Variants in LARS2 observed in about 807,000 individuals in gnomAD.
The protein encoded by LARS2 is leucyl-tRNA synthetase 2, mitochondrial.
In LARS2, 81 loss-of-function variants were observed where a neutral mutation model predicts 116.6. The observed-to-expected ratio is 0.69, with a 90% CI of 0.58 to 0.84. LARS2 has a LOEUF of 0.84. Ranked by LOEUF, LARS2 falls within the 40% of genes least tolerant of loss-of-function variation. The pLI, the probability that LARS2 is intolerant of heterozygous loss-of-function variation, is 0.00. For missense variants in LARS2, 968 were observed against 1,114.5 expected, an observed-to-expected ratio of 0.87 and a Z score of 1.87; for synonymous variants, 396 against 407.2, an observed-to-expected ratio of 0.97 and a Z score of 0.33.
At chr3:45,399,323 C>G (rs1423862174) in intron 3 of LARS2, among the ~76,000 whole-genome samples, 1 of 152,170 alleles carries the variant, frequency 6.6e-6, no homozygotes, top group Non-Finnish European at 1.5e-5. Flanking sequence ...TAGGAAGAGA[C>G]TCCATTTTTA....
At chr3:45,396,333 C>T (rs1455051853) in intron 3 of LARS2, among the ~76,000 whole-genome samples, 1 of 152,186 alleles carries the variant, frequency 6.6e-6, no homozygotes, top group African/African-American at 2.4e-5. Context: ...CTGTGTGATC[C>T]AGGCCACATC....
At chr3:45,522,473 G>A (rs1382552420) in intron 19 of LARS2, among the ~76,000 whole-genome samples, 2 of 152,256 alleles carry the variant, frequency 1.3e-5, no homozygotes, top group Non-Finnish European at 2.9e-5. Flanking sequence ...GCTCACGCCT[G>A]TAATCCCAGC....
chr3:45,415,739 T>C lies in LARS2; in HGVS notation c.364-1743T>C, dbSNP rs374947689. Among the ~76,000 whole-genome samples the C allele has an allele frequency of 3.2e-3, 479 of 151,210 alleles. 6 individuals are homozygous for C. In the South Asian group the frequency reaches 0.036, roughly 12 times the overall value. On this transcript the variant is annotated intron_variant, in intron 4 of 21. Coordinates refer to ENST00000645846, the MANE Select transcript of LARS2 (RefSeq NM_015340.4). ...GGTATGTGCCTGTAATCCCAGCTAC[T>C]GGGGAGGCTCAGGCAGGAGGATCAC...
chr3:45,394,717 A>G, intron 3 of LARS2, 30 bp downstream of exon 3: 3 of 1,514,662 alleles, frequency 2.0e-6, no homozygotes, highest in South Asian at 1.1e-5. Flanking sequence ...CTAAGAGGGT[A>G]GAGAAGAGGG....
At chr3:45,493,885 A>G (rs1699966470) in intron 13 of LARS2, among the ~76,000 whole-genome samples, 1 of 152,286 alleles carries the variant, frequency 6.6e-6, no homozygotes, top group South Asian at 2.1e-4. Context: ...TATTCCTTTT[A>G]TAAATTGAGC....
At chr3:45,473,691 GTT>G (rs763467707) in intron 8 of LARS2, among the ~76,000 whole-genome samples, 15 of 127,266 alleles carry the variant, frequency 1.2e-4, no homozygotes, top group East Asian at 9.0e-4. Flanking sequence ...GCCTGTTGTT[GTT>G]TTTTTTTTTT....
intron 18 of LARS2, 75 bp downstream of exon 18, chr3:45,518,147 C>A: frequency 3.5e-6 from 4 of 1,152,828 alleles, no homozygotes; most frequent in Non-Finnish European, 3.7e-6. Context: ...GTGGTCTTTG[C>A]TGCCCTCCCT....
chr3:45,515,457 C>G (rs1174744979), intron 16 of LARS2, among the ~76,000 whole-genome samples: 1 of 152,204 alleles, frequency 6.6e-6, no homozygotes, highest in Non-Finnish European at 1.5e-5. Flanking sequence ...CTAGTCCTCT[C>G]CAGTAGGGCT....
intron 3 of LARS2, among the ~76,000 whole-genome samples, chr3:45,396,155 G>A (rs928742578): frequency 2.6e-5 from 4 of 152,164 alleles, no homozygotes; most frequent in African/African-American, 9.7e-5. Context: ...AATATCAAAT[G>A]GATCAAAATA....
intron 8 of LARS2, among the ~76,000 whole-genome samples, chr3:45,459,695 C>T (rs1345757243): frequency 6.6e-6 from 1 of 152,180 alleles, no homozygotes; most frequent in East Asian, 1.9e-4. Context: ...TACCAAGTTT[C>T]AAGGTGCTGG....
At chr3:45,404,744 C>T (rs547764208) in intron 4 of LARS2, among the ~76,000 whole-genome samples, 11 of 152,102 alleles carry the variant, frequency 7.2e-5, no homozygotes, top group Admixed American at 7.2e-4. Flanking sequence ...TACAAGTACA[C>T]GCCACCACAC....
At chr3:45,435,177 T>C (rs1011554084) in intron 6 of LARS2, among the ~76,000 whole-genome samples, 4 of 152,090 alleles carry the variant, frequency 2.6e-5, no homozygotes, top group Non-Finnish European at 5.9e-5. Flanking sequence ...AATTCCTGCC[T>C]CTCCATTCGA....
At chr3:45,522,805 A>AT (rs1232587396) in intron 19 of LARS2, among the ~76,000 whole-genome samples, 10 of 152,110 alleles carry the variant, frequency 6.6e-5, no homozygotes, top group Non-Finnish European at 1.5e-4. Context: ...TAATCCTAGC[A>AT]TTTTGGGAGG....
At chr3:45,423,850 C>A (rs1199251999) in intron 6 of LARS2, among the ~76,000 whole-genome samples, 1 of 152,134 alleles carries the variant, frequency 6.6e-6, no homozygotes, top group Non-Finnish European at 1.5e-5. Flanking sequence ...CTGCTTTCAC[C>A]TACAAACAGC....
At chr3:45,474,829 A>G (rs562918813) in intron 9 of LARS2, among the ~76,000 whole-genome samples, 8 of 152,200 alleles carry the variant, frequency 5.3e-5, no homozygotes, top group African/African-American at 1.9e-4. Flanking sequence ...TACTCTCACT[A>G]TAGTCTCAAA....
At chr3:45,542,922 A>G in intron 21 of LARS2, among the ~76,000 whole-genome samples, 1 of 152,256 alleles carries the variant, frequency 6.6e-6, no homozygotes, top group East Asian at 1.9e-4. Context: ...AATGGCTGCA[A>G]ATTGTGAAAA....
chr3:45,521,562 T>C (rs1700456236), intron 19 of LARS2, among the ~76,000 whole-genome samples: 2 of 152,184 alleles, frequency 1.3e-5, no homozygotes, highest in South Asian at 2.1e-4. Context: ...ATTTATAACA[T>C]GTCAGACAGA....
chr3:45,529,980 C>G (rs1412644179), intron 20 of LARS2, among the ~76,000 whole-genome samples: 1 of 152,174 alleles, frequency 6.6e-6, no homozygotes, highest in Non-Finnish European at 1.5e-5. Flanking sequence ...CATCAGAGCC[C>G]TAGTGCATCC....
intron 4 of LARS2, among the ~76,000 whole-genome samples, chr3:45,410,894 C>T (rs1698320519): frequency 6.6e-6 from 1 of 152,150 alleles, no homozygotes; most frequent in Admixed American, 6.5e-5. Flanking sequence ...GGACACAGAA[C>T]AGTTTCCTAG....
Sources: allele counts gnomAD v4.1 joint callset (sites outside exome capture counted in the v4.1 genomes callset), GRCh38; gene constraint gnomAD v4.1.1; transcripts MANE v1.5; gene names NCBI Gene and HGNC (gene_info 2026-07-23, HGNC 2026-07-21).